STX12: variants seen among roughly 807,000 people sequenced by gnomAD.
The protein encoded by STX12 is syntaxin-12.
A neutral mutation model predicts 42.2 loss-of-function variants in STX12; 17 were observed. The ratio of observed to expected loss-of-function variants is 0.40; its 90% confidence interval spans 0.28 to 0.60. The LOEUF is 0.60. STX12 is among the 20% of genes least tolerant of loss of function. The pLI, the probability that STX12 is intolerant of heterozygous loss-of-function variation, is 0.39. For synonymous variants in STX12, 108 were observed against 116.7 expected, an observed-to-expected ratio of 0.93 and a Z score of 0.48; for missense variants, 297 against 330.9, an observed-to-expected ratio of 0.90 and a Z score of 0.79.
intron 1 of STX12, among the ~76,000 whole-genome samples, chr1:27,782,401 T>C (rs11803114): frequency 6.6e-6 from 1 of 152,074 alleles, no homozygotes; most frequent in Non-Finnish European, 1.5e-5. Context: ...CCTGGCCATA[T>C]AGGCGGTCTT....
intron 6 of STX12, 52 bp downstream of exon 6, chr1:27,812,320 G>A (rs757756288): frequency 9.0e-5 from 117 of 1,295,366 alleles, no homozygotes; most frequent in Non-Finnish European, 1.2e-4. Flanking sequence ...GCAGGTATCT[G>A]AACTCCTTAG....
chr1:27,805,769 G>T (rs1283597610), intron 4 of STX12, among the ~76,000 whole-genome samples: 1 of 152,136 alleles, frequency 6.6e-6, no homozygotes, highest in Non-Finnish European at 1.5e-5. Flanking sequence ...ATGATAGATT[G>T]TTCTGGTTGA....
intron 1 of STX12, among the ~76,000 whole-genome samples, chr1:27,780,455 G>T (rs1381429772): frequency 1.3e-5 from 2 of 152,054 alleles, no homozygotes; most frequent in African/African-American, 4.8e-5. Context: ...TGATCTGCCT[G>T]CCTTGCCCTC....
intron 1 of STX12, among the ~76,000 whole-genome samples, chr1:27,774,212 G>C (rs1311672565): frequency 1.3e-5 from 2 of 152,178 alleles, no homozygotes; most frequent in Admixed American, 1.3e-4. Context: ...AGGCATGGTA[G>C]AGTTGTTGGT....
At chr1:27,799,586 A>G (rs1045245930) in intron 3 of STX12, among the ~76,000 whole-genome samples, 3 of 150,544 alleles carry the variant, frequency 2.0e-5, no homozygotes, top group African/African-American at 7.4e-5. Context: ...AGGTTTAAGC[A>G]GTTCTCCTGC....
At chr1:27,788,346 A>G (rs1016351965) in intron 1 of STX12, among the ~76,000 whole-genome samples, 1 of 152,194 alleles carries the variant, frequency 6.6e-6, no homozygotes, top group African/African-American at 2.4e-5. Flanking sequence ...GAAGGGCTCT[A>G]TTGTTGCAGA....
chr1:27,782,700 G>A (rs2148597507), intron 1 of STX12, among the ~76,000 whole-genome samples: 1 of 152,238 alleles, frequency 6.6e-6, no homozygotes, highest in East Asian at 1.9e-4. Flanking sequence ...GCCCGGCATG[G>A]TGGTGGGCAC....
intron 4 of STX12, among the ~76,000 whole-genome samples, chr1:27,804,554 G>A (rs1232546192): frequency 6.6e-6 from 1 of 151,990 alleles, no homozygotes; most frequent in South Asian, 2.1e-4. Context: ...GCTCACGCCT[G>A]TAATCCCAGC....
chr1:27,784,997 T>A (rs942444523), intron 1 of STX12, among the ~76,000 whole-genome samples: 1 of 152,072 alleles, frequency 6.6e-6, no homozygotes, highest in South Asian at 2.1e-4. Flanking sequence ...AGTTCTCCAC[T>A]GAGAATATGC....
chr1:27,823,323 A>G lies in STX12; in HGVS notation c.*994A>G, dbSNP rs891294208. 5 of 152,662 alleles carry G rather than the reference A, an allele frequency of 3.3e-5. No homozygotes were observed. The highest frequency in any genetic ancestry group is 1.2e-4 in the African/African-American group (5 of 41,464). 9.5% of individuals were successfully genotyped at this position (152,662 alleles called of 1,614,324 possible). The stretch of plus-strand genomic sequence containing the variant: ...GGTTTAAAATTATTCCTGTAAACCA[A>G]CAATAAAGCAAAGAAGAGGTTCATT... On this transcript the variant is annotated 3_prime_UTR_variant, in exon 9 of 9. Coordinates refer to ENST00000373943, the MANE Select transcript of STX12 (RefSeq NM_177424.3).
intron 2 of STX12, among the ~76,000 whole-genome samples, chr1:27,790,503 C>T (rs943496594): frequency 2.6e-5 from 4 of 152,194 alleles, no homozygotes; most frequent in Admixed American, 2.6e-4. Flanking sequence ...GTGCATTTTA[C>T]AATCCTAGCT....
chr1:27,821,754 C>G (rs978526176), intron 8 of STX12, among the ~76,000 whole-genome samples: 1 of 152,116 alleles, frequency 6.6e-6, no homozygotes, highest in African/African-American at 2.4e-5. Context: ...CGGTGGCCCA[C>G]GCCTGTAATC....
Position 27,789,651 on chromosome 1 carries a change from G to T in STX12, c.188+20G>T, listed in dbSNP as rs753121634. 2.5e-6 allele frequency: 4 copies of T among 1,608,426 alleles called. No individual in the cohort carries two copies. In the African/African-American group the frequency reaches 4.0e-5, roughly 16 times the overall value. ...AAATCTGTGAGTAACTTCCTGACAA[G>T]GTTGGGTTTTGTGAGGGCCATTTGA... On this transcript the variant is annotated intron_variant, in intron 2 of 8. Transcript: ENST00000373943.
intron 1 of STX12, among the ~76,000 whole-genome samples, chr1:27,779,339 T>G (rs528883195): frequency 3.1e-3 from 462 of 150,498 alleles, no homozygotes; most frequent in South Asian, 5.8e-3. Flanking sequence ...TTTTGTTTTT[T>G]TTTGTTTTTT....
intron 3 of STX12, among the ~76,000 whole-genome samples, chr1:27,794,650 A>ACCT (rs985568817): frequency 8.5e-5 from 13 of 152,106 alleles, no homozygotes; most frequent in African/African-American, 3.1e-4. Context: ...TTCTCCGTCT[A>ACCT]CCTTCCTATT....
chr1:27,791,364 C>T (rs561110782), intron 2 of STX12, among the ~76,000 whole-genome samples: 214 of 152,284 alleles, frequency 1.4e-3, no homozygotes, highest in Non-Finnish European at 2.5e-3. Flanking sequence ...TGGAACCAAT[C>T]CCCCGTGGAT....
intron 1 of STX12, among the ~76,000 whole-genome samples, chr1:27,783,953 C>T (rs2088684481): frequency 6.6e-6 from 1 of 151,894 alleles, no homozygotes. Context: ...CTGAGGCAGG[C>T]AGATCATCTG....
chr1:27,818,046 C>A, intron 7 of STX12, 123 bp downstream of exon 7: 2 of 707,478 alleles, frequency 2.8e-6, no homozygotes, highest in Non-Finnish European at 4.8e-6. Flanking sequence ...CCAACCTGGG[C>A]AACATAATGA....
intron 2 of STX12, among the ~76,000 whole-genome samples, chr1:27,792,236 ATATG>A (rs1225461748): frequency 6.6e-5 from 9 of 136,146 alleles, no homozygotes; most frequent in Non-Finnish European, 1.2e-4. Flanking sequence ...ATATACATAT[ATATG>A]TATCTATATA....
Sources: allele counts gnomAD v4.1 joint callset (sites outside exome capture counted in the v4.1 genomes callset), GRCh38; gene constraint gnomAD v4.1.1; transcripts MANE v1.5; gene names NCBI Gene and HGNC (gene_info 2026-07-23, HGNC 2026-07-21).